TRHDE: variants seen among roughly 807,000 people sequenced by gnomAD.
TRHDE encodes the protein thyrotropin releasing hormone degrading enzyme.
In TRHDE, 72 loss-of-function variants were observed where a neutral mutation model predicts 125.7. The ratio of observed to expected loss-of-function variants is 0.57; its 90% confidence interval spans 0.47 to 0.70. The LOEUF (loss-of-function observed/expected upper bound fraction) is 0.70. Among genes scored for constraint, TRHDE ranks in the 30% least tolerant of loss-of-function variants. TRHDE has a pLI of 0.00. For missense variants in TRHDE, 1,110 were observed against 1,327.1 expected (o/e 0.84, Z 2.54); for synonymous variants, 509 against 509.1 (o/e 1.00, Z 0.00).
intron 6 of TRHDE, among the ~76,000 whole-genome samples, chr12:72,500,334 G>A (rs7976655): frequency 0.063 from 9,582 of 152,090 alleles, 1,031 homozygotes; most frequent in African/African-American, 0.22. Flanking sequence ...AGTTAAAATA[G>A]GATCAAAGTC....
chr12:72,272,719 A>AAGG lies in TRHDE; in HGVS notation c.98_100dup (p.Glu33dup), dbSNP rs35448406. 0.17 allele frequency: 171,069 copies of AAGG among 997,686 alleles called. 13,129 individuals are homozygous for AAGG. The highest frequency in any genetic ancestry group is 0.29 in the Middle Eastern group (859 of 2,994). The allele number at this position is 997,686 out of a possible 1,614,324, so 61.8% of individuals were successfully genotyped here. On this transcript the variant is annotated inframe_insertion, in exon 1 of 19. Transcript: ENST00000261180. This position sits in a 1 kb window ranked among gnomAD's most constrained non-coding sequence, Gnocchi z 6.7. The stretch of plus-strand genomic sequence containing the variant: ...GAAGAAAAAGAAGAGGAAGAAGAAG[A>AAGG]AGGAGGAGGAGGAGGAGGAGGAGGG...
intron 2 of TRHDE, among the ~76,000 whole-genome samples, chr12:72,131,051 T>C (rs1204719305): frequency 5.3e-5 from 8 of 151,302 alleles, no homozygotes; most frequent in Admixed American, 5.3e-4. Context: ...ATATTTCTTG[T>C]ACTACTTAAT....
At chr12:72,297,885 A>G (rs1242003093) in intron 2 of TRHDE, among the ~76,000 whole-genome samples, 1 of 152,184 alleles carries the variant, frequency 6.6e-6, no homozygotes, top group Non-Finnish European at 1.5e-5. Context: ...GGACATGTTA[A>G]CAACAGAACA....
At chr12:72,106,369 A>C (rs1875188165) in intron 2 of TRHDE, among the ~76,000 whole-genome samples, 1 of 152,164 alleles carries the variant, frequency 6.6e-6, no homozygotes, top group Non-Finnish European at 1.5e-5. Context: ...GATTTTAGTT[A>C]AAGAAAAAGG....
At position 72,356,103 on chromosome 12, in the gene TRHDE, G is replaced by T. The variant is rs527931655; in HGVS notation, c.1189-21892G>T. On this transcript the variant is annotated intron_variant, in intron 2 of 18. Transcript: ENST00000261180. ...CACATGCAAGAGAATGTTCATTGCAGCACTATTCACAATAGAAAAGACATG... is the reference window on the plus strand; with the variant it reads ...CACATGCAAGAGAATGTTCATTGCATCACTATTCACAATAGAAAAGACATG... Among the ~76,000 whole-genome samples, 33 of 151,804 alleles carry T rather than the reference G, an allele frequency of 2.2e-4. No individual in the cohort carries two copies. The South Asian group carries it at 6.4e-3, about 30-fold the overall frequency.
intron 2 of TRHDE, among the ~76,000 whole-genome samples, chr12:72,143,209 A>G (rs1390240943): frequency 6.6e-6 from 1 of 152,132 alleles, no homozygotes; most frequent in African/African-American, 2.4e-5. Context: ...CTATCCCACT[A>G]GGGATTTGAG....
intron 5 of TRHDE, among the ~76,000 whole-genome samples, chr12:72,479,559 C>T (rs1448030586): frequency 6.6e-6 from 1 of 151,634 alleles, no homozygotes; most frequent in East Asian, 1.9e-4. Context: ...GTCACATTAC[C>T]TCACATCCTT....
chr12:72,443,192 C>CTGTGTGTGTGTG (rs58277850), intron 3 of TRHDE, among the ~76,000 whole-genome samples: 67 of 144,532 alleles, frequency 4.6e-4, no homozygotes, highest in African/African-American at 1.2e-3. Context: ...TACTTCTTTC[C>CTGTGTGTGTGTG]TGTGTGTGTG....
intron 18 of TRHDE, among the ~76,000 whole-genome samples, chr12:72,661,317 G>A (rs1204671735): frequency 6.6e-6 from 1 of 152,132 alleles, no homozygotes; most frequent in African/African-American, 2.4e-5. Context: ...AGGAAGCCAA[G>A]AGCATGCTCC....
intron 3 of TRHDE, among the ~76,000 whole-genome samples, chr12:72,399,502 A>G (rs1872947377): frequency 6.6e-6 from 1 of 152,164 alleles, no homozygotes; most frequent in Non-Finnish European, 1.5e-5. Context: ...TAGGAAACAG[A>G]GATGTTTTAC....
At chr12:72,577,616 A>G (rs1399727632) in intron 12 of TRHDE, among the ~76,000 whole-genome samples, 2 of 152,212 alleles carry the variant, frequency 1.3e-5, no homozygotes, top group East Asian at 3.9e-4. Flanking sequence ...GTGATAGCCT[A>G]ATGACAGAGG....
At chr12:72,333,632 C>A (rs1012020659) in intron 2 of TRHDE, among the ~76,000 whole-genome samples, 1 of 152,174 alleles carries the variant, frequency 6.6e-6, no homozygotes, top group Non-Finnish European at 1.5e-5. Flanking sequence ...AGAATGCATA[C>A]ATATGTCCTT....
intron 12 of TRHDE, among the ~76,000 whole-genome samples, chr12:72,597,707 GTGTATGTATATATATATATATA>G (rs1430522091): frequency 4.2e-5 from 2 of 47,638 alleles, no homozygotes; most frequent in African/African-American, 3.4e-4. Flanking sequence ...ATATGTGTGT[GTGTATGTATATATATATATATA>G]TATATATATA....
intron 2 of TRHDE, among the ~76,000 whole-genome samples, chr12:72,192,119 T>C (rs1877352330): frequency 7.0e-6 from 1 of 143,318 alleles, no homozygotes; most frequent in African/African-American, 2.4e-5. Context: ...TAAATGACTT[T>C]TGTAAAACTT....
chr12:72,270,505 A>G (rs1241914725), upstream of TRHDE, among the ~76,000 whole-genome samples: 1 of 152,158 alleles, frequency 6.6e-6, no homozygotes, highest in African/African-American at 2.4e-5. Flanking sequence ...CAATATTTTA[A>G]TTGTCTATTT....
At chr12:72,652,631 T>G (rs1449794500) in intron 16 of TRHDE, 142 bp downstream of exon 16, 40 of 492,906 alleles carry the variant, frequency 8.1e-5, no homozygotes, top group Non-Finnish European at 1.3e-4. Flanking sequence ...AACTGCCATG[T>G]TAATGACTAA....
chr12:72,220,907 A>T (rs1418307202), intron 2 of TRHDE, among the ~76,000 whole-genome samples: 1 of 152,090 alleles, frequency 6.6e-6, no homozygotes, highest in Non-Finnish European at 1.5e-5. Flanking sequence ...TGTTTCTAAG[A>T]GAGCTTTAAA....
chr12:72,299,554 G>A (rs1294458862), intron 2 of TRHDE, among the ~76,000 whole-genome samples: 4 of 152,126 alleles, frequency 2.6e-5, no homozygotes, highest in Non-Finnish European at 5.9e-5. Flanking sequence ...TATATATTGA[G>A]CAACCGTGTT....
chr12:72,416,150 A>T (rs918582530), intron 3 of TRHDE, among the ~76,000 whole-genome samples: 4 of 151,708 alleles, frequency 2.6e-5, no homozygotes, highest in Admixed American at 2.6e-4. Flanking sequence ...ATGATTAGTG[A>T]TGTTGTGCAT....
Sources: allele counts gnomAD v4.1 joint callset (sites outside exome capture counted in the v4.1 genomes callset), GRCh38; gene constraint gnomAD v4.1.1; non-coding constraint Gnocchi (gnomAD v3.1); transcripts MANE v1.5; gene names NCBI Gene and HGNC (gene_info 2026-07-23, HGNC 2026-07-21).